Variants in PRKD1 observed in about 807,000 individuals in gnomAD.
PRKD1 encodes protein kinase D1.
In PRKD1, 63 loss-of-function variants were observed where a neutral mutation model predicts 95.9. The observed-to-expected ratio is 0.66, with a 90% CI of 0.54 to 0.81. The LOEUF (loss-of-function observed/expected upper bound fraction) is 0.81, where lower values mean the gene tolerates loss of function less well. Among genes scored for constraint, PRKD1 ranks in the 30% least tolerant of loss-of-function variants. PRKD1 has a pLI of 0.00. For synonymous variants in PRKD1, 425 were observed against 423.1 expected, an observed-to-expected ratio of 1.00 and a Z score of -0.05; for missense variants, 1,048 against 1,165.3, an observed-to-expected ratio of 0.90 and a Z score of 1.47.
intron 2 of PRKD1, among the ~76,000 whole-genome samples, chr14:29,703,505 C>T (rs1378259083): frequency 6.6e-6 from 1 of 152,020 alleles, no homozygotes; most frequent in Non-Finnish European, 1.5e-5. Context: ...AGACATTGAA[C>T]ATAACTTTAT....
chr14:29,631,897 A>T (rs531426552), intron 9 of PRKD1, among the ~76,000 whole-genome samples: 11 of 151,708 alleles, frequency 7.3e-5, no homozygotes, highest in African/African-American at 2.4e-4. Flanking sequence ...CGCCTCCTAG[A>T]TTAAGGTGAT....
At chr14:29,802,197 T>A (rs1273717176) in intron 1 of PRKD1, among the ~76,000 whole-genome samples, 1 of 151,886 alleles carries the variant, frequency 6.6e-6, no homozygotes, top group Non-Finnish European at 1.5e-5. Flanking sequence ...TGACTCTACT[T>A]GAGACTACAG....
At chr14:29,809,853 C>T (rs1316967106) in intron 1 of PRKD1, among the ~76,000 whole-genome samples, 2 of 152,204 alleles carry the variant, frequency 1.3e-5, no homozygotes, top group African/African-American at 4.8e-5. Context: ...TTGGCACTCA[C>T]AATTTGGCTA....
chr14:29,888,977 T>C (rs1254540133), intron 1 of PRKD1, among the ~76,000 whole-genome samples: 1 of 152,174 alleles, frequency 6.6e-6, no homozygotes, highest in Non-Finnish European at 1.5e-5. Flanking sequence ...CTTTCAAGCA[T>C]CTATCTTTCC....
At chr14:29,697,091 CCCAAGATAT>C (rs1463813762) in intron 2 of PRKD1, among the ~76,000 whole-genome samples, 2 of 151,654 alleles carry the variant, frequency 1.3e-5, no homozygotes, top group Non-Finnish European at 2.9e-5. Flanking sequence ...GCTGGTTGGG[CCCAAGATAT>C]CACATCTACA....
intron 4 of PRKD1, among the ~76,000 whole-genome samples, chr14:29,639,172 G>C (rs1880589640): frequency 6.6e-6 from 1 of 151,794 alleles, no homozygotes; most frequent in African/African-American, 2.4e-5. Flanking sequence ...ATAAGTTTTT[G>C]CTTTAAAAAA....
chr14:29,656,603 CAAT>C, intron 4 of PRKD1: 1 of 1,293,914 alleles, frequency 7.7e-7, no homozygotes, highest in Non-Finnish European at 1.1e-6. Flanking sequence ...GCACATTACT[CAAT>C]AATGTTTCAT....
At chr14:29,786,881 G>T (rs1356837768) in intron 1 of PRKD1, among the ~76,000 whole-genome samples, 1 of 151,068 alleles carries the variant, frequency 6.6e-6, no homozygotes, top group African/African-American at 2.4e-5. Context: ...TTTTGGATTT[G>T]TTTTTTTCTT....
chr14:29,744,586 G>T (rs563814933), intron 1 of PRKD1, among the ~76,000 whole-genome samples: 181 of 151,836 alleles, frequency 1.2e-3, no homozygotes, highest in South Asian at 5.6e-3. Context: ...CACCCTTTTT[G>T]CCCAGGCTGG....
At chr14:29,680,481 C>T (rs191848823) in intron 2 of PRKD1, among the ~76,000 whole-genome samples, 10 of 152,272 alleles carry the variant, frequency 6.6e-5, no homozygotes, top group Non-Finnish European at 1.3e-4. Context: ...AAACCTACAA[C>T]GCACTATTAT....
Position 29,638,918 on chromosome 14 carries a change from A to G in PRKD1, c.697-14T>C. On this transcript the variant is annotated splice_polypyrimidine_tract_variant and intron_variant, in intron 4 of 17. Coordinates refer to ENST00000331968, the MANE Select transcript of PRKD1 (RefSeq NM_002742.3). ...TGGTGATTTTTGCTACATTTTGGAA[A>G]ACAATAAAGGAAGCAAGATGTAAGA... 6.2e-7 allele frequency: 1 copy of G among 1,607,386 alleles called. No individual in the cohort carries two copies. Among genetic ancestry groups the G allele is most frequent in the South Asian group, 1.1e-5 (1 of 90,926 alleles).
At chr14:29,764,769 T>C (rs1216308578) in intron 1 of PRKD1, among the ~76,000 whole-genome samples, 1 of 152,244 alleles carries the variant, frequency 6.6e-6, no homozygotes, top group Non-Finnish European at 1.5e-5. Context: ...ATATGAACTT[T>C]AGATGGAACA....
chr14:29,782,562 CCTT>C (rs1889094426), intron 1 of PRKD1, among the ~76,000 whole-genome samples: 1 of 151,976 alleles, frequency 6.6e-6, no homozygotes, highest in Non-Finnish European at 1.5e-5. Flanking sequence ...TACAGGGTCT[CCTT>C]CTGTTGCCCA....
chr14:29,721,998 A>C (rs2139384812), intron 2 of PRKD1, among the ~76,000 whole-genome samples: 1 of 152,154 alleles, frequency 6.6e-6, no homozygotes, highest in East Asian at 1.9e-4. Flanking sequence ...GATGATGAAA[A>C]GTCTGAGCAG....
intron 1 of PRKD1, among the ~76,000 whole-genome samples, chr14:29,851,395 A>C (rs773080266): frequency 1.5e-4 from 23 of 152,080 alleles, no homozygotes; most frequent in Non-Finnish European, 3.2e-4. Flanking sequence ...CAAAAACAAA[A>C]ACAAAACATT....
At chr14:29,850,326 C>T (rs901401792) in intron 1 of PRKD1, among the ~76,000 whole-genome samples, 5 of 152,072 alleles carry the variant, frequency 3.3e-5, no homozygotes, top group Non-Finnish European at 2.9e-5. Context: ...CATCAAAAGG[C>T]TTCTGGAACT....
intron 2 of PRKD1, among the ~76,000 whole-genome samples, chr14:29,712,448 C>G (rs1362141862): frequency 6.6e-6 from 1 of 152,046 alleles, no homozygotes; most frequent in Non-Finnish European, 1.5e-5. Context: ...TTTCTAGAAA[C>G]TGAAAGGCTG....
intron 1 of PRKD1, among the ~76,000 whole-genome samples, chr14:29,871,704 C>T (rs1262780912): frequency 6.6e-6 from 1 of 152,174 alleles, no homozygotes; most frequent in Non-Finnish European, 1.5e-5. Context: ...CTTGAAAGAG[C>T]AGTTGTAGGC....
intron 2 of PRKD1, among the ~76,000 whole-genome samples, chr14:29,697,513 T>C (rs1438242752): frequency 2.6e-5 from 4 of 152,214 alleles, no homozygotes; most frequent in Admixed American, 2.0e-4. Flanking sequence ...TTTACTAACA[T>C]TTTAAATTCC....
Sources: allele counts gnomAD v4.1 joint callset (sites outside exome capture counted in the v4.1 genomes callset), GRCh38; gene constraint gnomAD v4.1.1; transcripts MANE v1.5; gene names NCBI Gene and HGNC (gene_info 2026-07-23, HGNC 2026-07-21).